The following LSM6 variants were observed in gnomAD, a reference collection of about 807,000 sequenced individuals.
LSM6 encodes LSM6 homolog, U6 small nuclear RNA and mRNA degradation associated.
LSM6 carries 2 observed loss-of-function variants against 13.5 expected under a neutral mutation model. The observed-to-expected ratio is 0.15, with a 90% CI of 0.06 to 0.47. The LOEUF is 0.47. LSM6 is among the 20% of genes least tolerant of loss of function. The pLI is 0.97. For missense variants in LSM6, 58 were observed against 96.4 expected (o/e 0.60, Z 1.67); for synonymous variants, 43 against 34.9 (o/e 1.23, Z -0.82).
intron 3 of LSM6, among the ~76,000 whole-genome samples, chr4:146,188,727 C>T (rs1330694036): frequency 6.6e-6 from 1 of 152,072 alleles, no homozygotes; most frequent in Non-Finnish European, 1.5e-5. Flanking sequence ...TGTTGGTAGT[C>T]ATGAGAAGAC....
intron 1 of LSM6, among the ~76,000 whole-genome samples, chr4:146,176,858 TGGA>T (rs1730121964): frequency 6.6e-6 from 1 of 152,166 alleles, no homozygotes; most frequent in South Asian, 2.1e-4. Context: ...ATTATTTCCT[TGGA>T]CTAGATTCTC....
At chr4:146,178,854 A>G (rs1485408851) in intron 1 of LSM6, among the ~76,000 whole-genome samples, 3 of 152,242 alleles carry the variant, frequency 2.0e-5, no homozygotes, top group African/African-American at 7.2e-5. Context: ...AGAGAATCTT[A>G]ACATATTCAG....
At chr4:146,187,671 C>T in intron 3 of LSM6, 2 of 216,038 alleles carry the variant, frequency 9.3e-6, no homozygotes, top group Non-Finnish European at 1.9e-5. Context: ...AGTATATCTC[C>T]CCAACACATA....
At chr4:146,176,961 T>G (rs1243979579) in intron 1 of LSM6, among the ~76,000 whole-genome samples, 1 of 152,118 alleles carries the variant, frequency 6.6e-6, no homozygotes, top group East Asian at 1.9e-4. Flanking sequence ...CAAAAAAGTT[T>G]TAGAGATGTT....
chr4:146,176,124 C>G (rs1383592493), intron 1 of LSM6: 2 of 152,318 alleles, frequency 1.3e-5, no homozygotes, highest in African/African-American at 2.4e-5. Context: ...CGGCTCCTAC[C>G]GAGTTGGCGT....
At chr4:146,178,259 C>CT (rs1730153079) in intron 1 of LSM6, among the ~76,000 whole-genome samples, 4 of 152,132 alleles carry the variant, frequency 2.6e-5, no homozygotes, top group Admixed American at 1.3e-4. Flanking sequence ...CCCCAAGAAG[C>CT]TTTAAATTCG....
chr4:146,179,563 T>C (rs1730186486), intron 1 of LSM6, among the ~76,000 whole-genome samples: 1 of 152,218 alleles, frequency 6.6e-6, no homozygotes, highest in Non-Finnish European at 1.5e-5. Context: ...AAGTATTTTT[T>C]TTCCAAGAGG....
At chr4:146,176,962 T>C (rs1432830645) in intron 1 of LSM6, among the ~76,000 whole-genome samples, 1 of 152,152 alleles carries the variant, frequency 6.6e-6, no homozygotes, top group African/African-American at 2.4e-5. Flanking sequence ...AAAAAAGTTT[T>C]AGAGATGTTT....
intron 1 of LSM6, among the ~76,000 whole-genome samples, chr4:146,180,353 T>C (rs1419883743): frequency 6.6e-6 from 1 of 152,208 alleles, no homozygotes; most frequent in Non-Finnish European, 1.5e-5. Context: ...TCCGTGAAAG[T>C]TGGAAGTGTT....
intron 1 of LSM6, among the ~76,000 whole-genome samples, chr4:146,182,025 A>G (rs1374897989): frequency 6.6e-6 from 1 of 152,090 alleles, no homozygotes; most frequent in South Asian, 2.1e-4. Flanking sequence ...CTATAGTCCT[A>G]ATAGAGTAAT....
Position 146,190,858 on chromosome 4 carries a change from G to C in LSM6, c.*1202G>C. The C allele has an allele frequency of 6.6e-6, 1 of 152,314 alleles. No homozygotes were observed. Among genetic ancestry groups the C allele is most frequent in the Admixed American group, 6.5e-5 (1 of 15,294 alleles). The allele number at this position is 152,314 out of a possible 1,614,324, so 9.4% of individuals were successfully genotyped here. On this transcript the variant is annotated 3_prime_UTR_variant, in exon 4 of 4. Transcript: ENST00000296581. ...AAATAGCATTCCTATTTCAGGAGCC[G>C]ATGGTGTGATTCGAAACAACTGCTT...
intron 2 of LSM6, among the ~76,000 whole-genome samples, chr4:146,186,067 G>A (rs1160607504): frequency 6.6e-6 from 1 of 152,040 alleles, no homozygotes; most frequent in Non-Finnish European, 1.5e-5. Flanking sequence ...TCTTTTCATT[G>A]GTTTTCAAAC....
At chr4:146,175,902 C>G (rs1440023947) in intron 1 of LSM6, 91 bp downstream of exon 1, 1 of 152,394 alleles carries the variant, frequency 6.6e-6, no homozygotes, top group African/African-American at 2.4e-5. Context: ...GGAGCGGCGG[C>G]TGCAGCGGCC....
At chr4:146,184,103 G>A (rs1406735627) in intron 2 of LSM6, among the ~76,000 whole-genome samples, 2 of 152,042 alleles carry the variant, frequency 1.3e-5, no homozygotes, top group African/African-American at 2.4e-5. Flanking sequence ...GAGTCCTCAC[G>A]TGGCAGAAGG....
rs1026751845 is a variant in LSM6, at chr4:146,187,009, T to C, written c.95-265T>C. Among the ~76,000 whole-genome samples, 34 of 152,230 alleles carry C rather than the reference T, an allele frequency of 2.2e-4. 1 individual carries two copies. Among genetic ancestry groups the C allele is most frequent in the Admixed American group, 1.2e-3 (19 of 15,284 alleles). On this transcript the variant is annotated intron_variant, in intron 2 of 3. Coordinates refer to ENST00000296581, the MANE Select transcript of LSM6 (RefSeq NM_007080.3). ...CTTTTTTGAATGCTTTAAAAGTTTCTGTGTGGTCATACGTACCATGAGGGA... is the reference window on the plus strand; with the variant it reads ...CTTTTTTGAATGCTTTAAAAGTTTCCGTGTGGTCATACGTACCATGAGGGA...
At chr4:146,180,006 C>T (rs1048164625) in intron 1 of LSM6, among the ~76,000 whole-genome samples, 3 of 152,208 alleles carry the variant, frequency 2.0e-5, no homozygotes, top group South Asian at 2.1e-4. Flanking sequence ...AGCTCCCTGC[C>T]GCAGAGGCGT....
intron 2 of LSM6, 104 bp downstream of exon 2, chr4:146,183,119 C>A: frequency 1.4e-6 from 1 of 738,218 alleles, no homozygotes; most frequent in Non-Finnish European, 2.4e-6. Context: ...CAAAAAAGTA[C>A]TGGTCATCAG....
intron 3 of LSM6, among the ~76,000 whole-genome samples, chr4:146,188,357 G>A (rs1182884519): frequency 2.6e-5 from 4 of 152,006 alleles, no homozygotes; most frequent in Non-Finnish European, 5.9e-5. Flanking sequence ...TTCTGTGCGT[G>A]TTGATAGGGT....
intron 2 of LSM6, among the ~76,000 whole-genome samples, chr4:146,185,646 T>G (rs979385299): frequency 2.0e-5 from 3 of 151,042 alleles, no homozygotes; most frequent in South Asian, 2.1e-4. Context: ...GGGCAGTTTT[T>G]TTGTTGTTGT....
Sources: allele counts gnomAD v4.1 joint callset (sites outside exome capture counted in the v4.1 genomes callset), GRCh38; gene constraint gnomAD v4.1.1; transcripts MANE v1.5; gene names NCBI Gene and HGNC (gene_info 2026-07-23, HGNC 2026-07-21).